PTPRN2: variants seen among roughly 807,000 people sequenced by gnomAD.
PTPRN2 encodes the protein protein tyrosine phosphatase receptor type N2, also known as receptor-type tyrosine-protein phosphatase N2.
Under a neutral mutation model 118.8 loss-of-function variants are expected in PTPRN2, and 74 were observed. The observed-to-expected ratio is 0.62, with a 90% confidence interval of 0.52 to 0.76. The LOEUF is 0.76. PTPRN2 is among the 30% of genes least tolerant of loss of function. The probability of loss-of-function intolerance (pLI) is 0.00; values close to 1 mark genes in which losing one functional copy is unlikely to be tolerated. For synonymous variants in PTPRN2, 641 were observed against 608.0 expected (o/e 1.05, Z -0.80); for missense variants, 1,481 against 1,394.4 (o/e 1.06, Z -0.99).
rs567200919 is a variant in PTPRN2, at chr7:157,578,030, G to C, written c.2607C>G (p.His869Gln). 6.2e-7 allele frequency: 1 copy of C among 1,611,764 alleles called. No individual in the cohort carries two copies. The highest frequency in any genetic ancestry group is 1.7e-5 in the Admixed American group (1 of 59,946). Residue 869 changes from histidine to glutamine, a missense_variant, in exon 18 of 23, where the codon CAC (histidine) becomes CAG (glutamine). His to Gln is a conservative substitution (Grantham distance 24, BLOSUM62 0). Transcript: ENST00000389418. ...YWPDEGSNLY[H>Q]IYEVNLVSEH... is the part of the protein sequence containing the mutation. Reference sequence around the variant, plus strand: ...GCTCTGGTCGGAGTACCTCATAGATGTGGTAGAGATTGGAGCCTTCATCCG... The same window carrying C: ...GCTCTGGTCGGAGTACCTCATAGATCTGGTAGAGATTGGAGCCTTCATCCG...
Position 157,787,828 on chromosome 7 carries a change from T to G in PTPRN2, c.1789-104891A>C, listed in dbSNP as rs898797131. ...GGGCCCCGTCCAAGCTGCCAAGGGC[T>G]GGGGTGGGCTGTTCCCCTCTTGGCA... On this transcript the variant is annotated intron_variant, in intron 12 of 22. Transcript: ENST00000389418. The surrounding 1 kb of genome is among the most constrained non-coding windows in gnomAD (Gnocchi z 5.3). 6.6e-6 allele frequency among the ~76,000 whole-genome samples: 1 copy of G among 152,072 alleles called. No individual in the cohort carries two copies. The highest frequency in any genetic ancestry group is 2.4e-5 in the African/African-American group (1 of 41,410).
At chr7:158,449,823 G>C (rs1817980057) in intron 2 of PTPRN2, among the ~76,000 whole-genome samples, 1 of 152,202 alleles carries the variant, frequency 6.6e-6, no homozygotes, top group South Asian at 2.1e-4. Context: ...TGGCAAACAG[G>C]AACACTAAAC....
chr7:157,653,933 A>C (rs1233001245), intron 14 of PTPRN2, among the ~76,000 whole-genome samples: 1 of 54,462 alleles, frequency 1.8e-5, no homozygotes, highest in African/African-American at 7.5e-5. Context: ...CACCCACCCC[A>C]ACTGCACACG....
intron 14 of PTPRN2, among the ~76,000 whole-genome samples, chr7:157,639,921 T>C (rs759428064): frequency 6.6e-6 from 1 of 152,228 alleles, no homozygotes; most frequent in African/African-American, 2.4e-5. Flanking sequence ...GGGTGAGGAA[T>C]TGACATGAAG....
chr7:158,326,349 C>G (rs919134650), intron 2 of PTPRN2, among the ~76,000 whole-genome samples: 1 of 152,250 alleles, frequency 6.6e-6, no homozygotes, highest in Non-Finnish European at 1.5e-5. Context: ...CCTGCTCTGG[C>G]TCAGGCCTGA....
chr7:158,095,205 G>A (rs996111623), intron 10 of PTPRN2, among the ~76,000 whole-genome samples: 5 of 151,328 alleles, frequency 3.3e-5, no homozygotes, highest in Middle Eastern at 3.4e-3. Context: ...AGACACATTC[G>A]GAAGAGTGAA....
chr7:157,892,948 C>T (rs1456455398), intron 12 of PTPRN2, among the ~76,000 whole-genome samples: 1 of 152,234 alleles, frequency 6.6e-6, no homozygotes, highest in East Asian at 1.9e-4. Context: ...TCTGCACTCA[C>T]TTGGGGCAAC....
At chr7:158,358,363 G>A (rs990798882) in intron 2 of PTPRN2, among the ~76,000 whole-genome samples, 1 of 152,196 alleles carries the variant, frequency 6.6e-6, no homozygotes, top group Non-Finnish European at 1.5e-5. Context: ...TGGGCTGGAG[G>A]AGGGCTGCAG....
intron 11 of PTPRN2, among the ~76,000 whole-genome samples, chr7:158,048,972 T>C (rs376249518): frequency 1.6e-5 from 2 of 128,852 alleles, no homozygotes; most frequent in African/African-American, 5.9e-5. Context: ...ACCATCATCA[T>C]CATCACTATC....
At chr7:157,806,674 C>A (rs2151107367) in intron 12 of PTPRN2, among the ~76,000 whole-genome samples, 1 of 152,296 alleles carries the variant, frequency 6.6e-6, no homozygotes, top group Admixed American at 6.5e-5. Context: ...TCTCTGCATT[C>A]TTACTGGCAG....
chr7:158,126,375 G>A (rs967587454), intron 9 of PTPRN2, among the ~76,000 whole-genome samples: 1 of 33,898 alleles, frequency 3.0e-5, no homozygotes, highest in Non-Finnish European at 6.2e-5. Flanking sequence ...AGCGGGCGGC[G>A]GAACTTCCTC....
intron 11 of PTPRN2, among the ~76,000 whole-genome samples, chr7:157,948,537 A>C (rs1053155257): frequency 1.3e-5 from 2 of 152,212 alleles, no homozygotes; most frequent in African/African-American, 4.8e-5. Flanking sequence ...TGAGGAACTG[A>C]GGAGGAAAAA....
intron 11 of PTPRN2, among the ~76,000 whole-genome samples, chr7:157,932,170 G>A (rs1255727160): frequency 2.6e-5 from 4 of 152,180 alleles, no homozygotes; most frequent in African/African-American, 7.2e-5. Flanking sequence ...AAATACTTCA[G>A]TGCTTATTTC....
intron 3 of PTPRN2, among the ~76,000 whole-genome samples, chr7:158,231,917 A>C (rs1267205682): frequency 6.6e-6 from 1 of 152,210 alleles, no homozygotes; most frequent in Admixed American, 6.5e-5. Flanking sequence ...ATGTCTTGAA[A>C]CAAATGAAAA....
At chr7:157,788,500 G>A (rs1804224119) in intron 12 of PTPRN2, among the ~76,000 whole-genome samples, 1 of 152,296 alleles carries the variant, frequency 6.6e-6, no homozygotes, top group South Asian at 2.1e-4. Context: ...GGTTTAGGGA[G>A]GAGCTCTCCA....
intron 21 of PTPRN2, among the ~76,000 whole-genome samples, chr7:157,555,757 A>G (rs1399250575): frequency 6.6e-6 from 1 of 152,230 alleles, no homozygotes; most frequent in Non-Finnish European, 1.5e-5. Context: ...CTTTACTTGC[A>G]GGAGAAAATT....
At chr7:158,362,765 TGGA>T (rs1809099213) in intron 2 of PTPRN2, among the ~76,000 whole-genome samples, 1 of 152,044 alleles carries the variant, frequency 6.6e-6, no homozygotes, top group African/African-American at 2.4e-5. Flanking sequence ...TGAGAGGTAG[TGGA>T]GAAGGAAGGC....
In PTPRN2 at chr7:157,787,813, C is replaced by T. The variant is rs1331585743; in HGVS notation, c.1789-104876G>A. 1.3e-5 allele frequency among the ~76,000 whole-genome samples: 2 copies of T among 152,162 alleles called. No homozygotes were observed. Among genetic ancestry groups the T allele is most frequent in the African/African-American group, 4.8e-5 (2 of 41,434 alleles). On this transcript the variant is annotated intron_variant, in intron 12 of 22. Transcript: ENST00000389418. This position sits in a 1 kb window ranked among gnomAD's most constrained non-coding sequence, Gnocchi z 5.3. Reference sequence around the variant, plus strand: ...GGGGGAGGCACCTGGGGGCCCCGTCCAAGCTGCCAAGGGCTGGGGTGGGCT... The same window carrying T: ...GGGGGAGGCACCTGGGGGCCCCGTCTAAGCTGCCAAGGGCTGGGGTGGGCT...
intron 11 of PTPRN2, among the ~76,000 whole-genome samples, chr7:158,008,270 C>T (rs1805805587): frequency 6.6e-6 from 1 of 152,130 alleles, no homozygotes; most frequent in African/African-American, 2.4e-5. Flanking sequence ...TTACACCCAC[C>T]AAAATTTCTA....
Sources: allele counts gnomAD v4.1 joint callset (sites outside exome capture counted in the v4.1 genomes callset), GRCh38; gene constraint gnomAD v4.1.1; non-coding constraint Gnocchi (gnomAD v3.1); transcripts MANE v1.5; gene names NCBI Gene and HGNC (gene_info 2026-07-23, HGNC 2026-07-21).